HEATR5A: variants seen among roughly 807,000 people sequenced by gnomAD.
HEATR5A encodes the protein HEAT repeat-containing protein 5A.
In HEATR5A, 178 loss-of-function variants were observed where a neutral mutation model predicts 218.8. The observed-to-expected ratio is 0.81, with a 90% CI of 0.72 to 0.92. The LOEUF (loss-of-function observed/expected upper bound fraction) is 0.92. HEATR5A is among the 40% of genes least tolerant of loss of function. The pLI, the probability that HEATR5A is intolerant of heterozygous loss-of-function variation, is 0.00. For missense variants in HEATR5A, 2,420 were observed against 2,418.9 expected (o/e 1.00, Z -0.01); for synonymous variants, 864 against 871.6 (o/e 0.99, Z 0.15).
chr14:31,332,284 A>C (rs1900499053), intron 22 of HEATR5A, among the ~76,000 whole-genome samples: 1 of 152,210 alleles, frequency 6.6e-6, no homozygotes, highest in African/African-American at 2.4e-5. Flanking sequence ...CAAAACAGCA[A>C]ATTTATTCAA....
At chr14:31,354,556 T>C (rs1223952923) in intron 16 of HEATR5A, among the ~76,000 whole-genome samples, 1 of 152,224 alleles carries the variant, frequency 6.6e-6, no homozygotes, top group East Asian at 1.9e-4. Flanking sequence ...AGATGAGTTA[T>C]TTTTAGTAAT....
chr14:31,374,805 A>C lies in HEATR5A; in HGVS notation c.1861+11T>G. On this transcript the variant is annotated intron_variant, in intron 12 of 35. Transcript: ENST00000543095. ...AAAGGAAAGGGAGAGAAAAGACTAAATCCAACCTACCACACAGTGCACCAG... is the reference window on the plus strand; with the variant it reads ...AAAGGAAAGGGAGAGAAAAGACTAACTCCAACCTACCACACAGTGCACCAG... The C allele has an allele frequency of 1.9e-6, 3 of 1,600,772 alleles. No individual in the cohort carries two copies. The highest frequency in any genetic ancestry group is 2.6e-6 in the Non-Finnish European group (3 of 1,175,610).
At chr14:31,334,753 T>C (rs1204157085) in intron 22 of HEATR5A, among the ~76,000 whole-genome samples, 2 of 152,118 alleles carry the variant, frequency 1.3e-5, no homozygotes, top group African/African-American at 2.4e-5. Flanking sequence ...GAGACAATCC[T>C]GGCTAACATG....
chr14:31,305,118 C>A lies in HEATR5A; in HGVS notation c.5026G>T (p.Gly1676Ter). Residue 1676 changes from glycine (G) to a stop codon, truncating the protein, a stop_gained, in exon 32 of 36, where the codon GGA (glycine) becomes TGA (stop). Coordinates refer to ENST00000543095, the MANE Select transcript of HEATR5A (RefSeq NM_015473.4). LOFTEE classifies it high-confidence loss of function. ...LPEFGEGKDT[G>*]GLVPGKSLVF... is the part of the protein sequence containing the mutation. The stretch of plus-strand genomic sequence containing the variant: ...AAAGACTTTCCAGGCACAAGTCCTC[C>A]GGTGTCCTTTCCCTCTCCAAACTCT... The A allele has an allele frequency of 2.5e-6, 4 of 1,613,972 alleles. No individual in the cohort carries two copies. The highest frequency in any genetic ancestry group is 3.4e-6 in the Non-Finnish European group (4 of 1,179,864).
intron 13 of HEATR5A, among the ~76,000 whole-genome samples, chr14:31,365,093 T>G (rs1027348432): frequency 6.6e-6 from 1 of 150,796 alleles, no homozygotes; most frequent in Non-Finnish European, 1.5e-5. Flanking sequence ...CAGGGTGGTC[T>G]TGGACTCCTG....
chr14:31,355,037 A>G (rs1372326204), intron 16 of HEATR5A, among the ~76,000 whole-genome samples: 4 of 152,240 alleles, frequency 2.6e-5, no homozygotes, highest in African/African-American at 7.2e-5. Flanking sequence ...GATAATTCCA[A>G]TGTGCAAGTC....
intron 22 of HEATR5A, among the ~76,000 whole-genome samples, chr14:31,327,318 G>A (rs1430466728): frequency 2.0e-5 from 2 of 102,510 alleles, no homozygotes; most frequent in Non-Finnish European, 3.7e-5. Flanking sequence ...TTTTGAGACC[G>A]AGTCTTGCTC....
chr14:31,295,557 CTT>C (rs766889885), intron 34 of HEATR5A: 247 of 108,536 alleles, frequency 2.3e-3, no homozygotes, highest in South Asian at 7.2e-3. Context: ...GCCTCCCTTT[CTT>C]TTTTTTTTTT....
intron 34 of HEATR5A, chr14:31,295,557 C>CT (rs766889885): frequency 0.056 from 6,047 of 108,544 alleles, 267 homozygotes; most frequent in African/African-American, 0.12. Flanking sequence ...GCCTCCCTTT[C>CT]TTTTTTTTTT....
chr14:31,353,263 AAAC>A (rs1043273231), intron 16 of HEATR5A, among the ~76,000 whole-genome samples: 14 of 152,172 alleles, frequency 9.2e-5, no homozygotes, highest in African/African-American at 3.4e-4. Flanking sequence ...TGTTTCCCCT[AAAC>A]AATATTATCA....
Position 31,358,665 on chromosome 14 carries a change from C to T in HEATR5A, c.2383G>A (p.Val795Ile). Residue 795 changes from valine (V) to isoleucine (I), a missense_variant, in exon 16 of 36, where the codon GTA becomes ATA. Transcript: ENST00000543095. ...TGAGTTTCTCCCACATGAGCGCATA[C>T]AACCCCAAAGAGCTTGGATGCAGAA... is the stretch of plus-strand genomic sequence containing the variant. ...ISSASKLFGV[V>I]CAHVGETQRL... 1 of 1,613,716 alleles carries T rather than the reference C, an allele frequency of 6.2e-7. No individual in the cohort carries two copies. Among genetic ancestry groups the T allele is most frequent in the Non-Finnish European group, 8.5e-7 (1 of 1,179,810 alleles).
chr14:31,369,366 A>G (rs1187829249), intron 13 of HEATR5A, among the ~76,000 whole-genome samples: 3 of 152,020 alleles, frequency 2.0e-5, no homozygotes, highest in African/African-American at 7.2e-5. Context: ...TAATCCCAGC[A>G]CTTTGGGAGG....
intron 1 of HEATR5A, among the ~76,000 whole-genome samples, chr14:31,412,280 A>C (rs2031300930): frequency 6.6e-6 from 1 of 152,210 alleles, no homozygotes; most frequent in Non-Finnish European, 1.5e-5. Flanking sequence ...CTATATAAAC[A>C]GAATCTTCTC....
chr14:31,331,596 C>G (rs543326292), intron 22 of HEATR5A, among the ~76,000 whole-genome samples: 1 of 152,262 alleles, frequency 6.6e-6, no homozygotes, highest in African/African-American at 2.4e-5. Flanking sequence ...TATAGCAGTG[C>G]CCCACTCCTG....
At chr14:31,359,165 T>C (rs1355562076) in intron 14 of HEATR5A, 108 bp from the exon 15 acceptor site, 4 of 1,014,346 alleles carry the variant, frequency 3.9e-6, no homozygotes, top group South Asian at 1.5e-5. Flanking sequence ...AACTTTAACA[T>C]ATCACAGCCA....
intron 5 of HEATR5A, among the ~76,000 whole-genome samples, chr14:31,394,863 A>C (rs929173846): frequency 6.6e-6 from 1 of 152,168 alleles, no homozygotes; most frequent in East Asian, 1.9e-4. Context: ...CTATGTTAAG[A>C]AGCTATAAAT....
At chr14:31,402,594 T>C (rs1186679423) in intron 2 of HEATR5A, among the ~76,000 whole-genome samples, 1 of 152,204 alleles carries the variant, frequency 6.6e-6, no homozygotes, top group Non-Finnish European at 1.5e-5. Context: ...GTAGTTGTAG[T>C]TGGTGTTTCA....
chr14:31,415,596 T>G (rs1444795642), intron 1 of HEATR5A, among the ~76,000 whole-genome samples: 1 of 152,212 alleles, frequency 6.6e-6, no homozygotes, highest in Non-Finnish European at 1.5e-5. Context: ...AACTAAGGGA[T>G]TTTGTACGTG....
At position 31,292,360 on chromosome 14, in the gene HEATR5A, A is replaced by C. The variant is rs1220612832; in HGVS notation, c.*945T>G. 6.6e-6 allele frequency: 1 copy of C among 152,230 alleles called. No homozygotes were observed. Among genetic ancestry groups the C allele is most frequent in the Non-Finnish European group, 1.5e-5 (1 of 68,044 alleles). 9.4% of individuals were successfully genotyped at this position (152,230 alleles called of 1,614,324 possible). A position where few individuals can be genotyped will look rare whatever the true frequency, so the allele number is the denominator to read the frequency against. ...TAGTGGAAATGGCTTATTCTATTTA[A>C]AATGAGTAAGACTCAATTTCTGAAC... On this transcript the variant is annotated 3_prime_UTR_variant, in exon 36 of 36. Transcript: ENST00000543095.
Sources: allele counts gnomAD v4.1 joint callset (sites outside exome capture counted in the v4.1 genomes callset), GRCh38; gene constraint gnomAD v4.1.1; transcripts MANE v1.5; gene names NCBI Gene and HGNC (gene_info 2026-07-23, HGNC 2026-07-21).